The following KDM2B variants were observed in gnomAD, a reference collection of about 807,000 sequenced individuals.
KDM2B encodes lysine-specific demethylase 2B.
A neutral mutation model predicts 150.0 loss-of-function variants in KDM2B; 26 were observed. The observed-to-expected ratio is 0.17, with a 90% CI of 0.13 to 0.24. The LOEUF is 0.24. Among genes scored for constraint, KDM2B ranks in the 10% least tolerant of loss-of-function variants. The pLI is 1.00. For synonymous variants in KDM2B, 734 were observed against 729.5 expected, an observed-to-expected ratio of 1.01 and a Z score of -0.10; for missense variants, 1,265 against 1,816.9, an observed-to-expected ratio of 0.70 and a Z score of 5.52.
chr12:121,536,526 CTCT>C (rs1555308739), intron 6 of KDM2B, among the ~76,000 whole-genome samples: 1 of 152,236 alleles, frequency 6.6e-6, no homozygotes, highest in East Asian at 1.9e-4. Context: ...CTGGGTGATC[CTCT>C]TCTCTCTAAG....
intron 14 of KDM2B, chr12:121,444,773 C>T: frequency 5.2e-6 from 3 of 573,638 alleles, no homozygotes; most frequent in Non-Finnish European, 9.4e-6. Context: ...CTGGGCAAGA[C>T]ACTCCGTCTC....
intron 12 of KDM2B, among the ~76,000 whole-genome samples, chr12:121,463,894 T>C (rs1879459424): frequency 6.6e-6 from 1 of 151,832 alleles, no homozygotes; most frequent in Non-Finnish European, 1.5e-5. Flanking sequence ...GTCATTTTTA[T>C]AGAAAAAATA....
At chr12:121,424,161 A>G (rs782652346), downstream of KDM2B, 8 of 152,722 alleles carry the variant, frequency 5.2e-5, no homozygotes, top group Non-Finnish European at 1.2e-4. Flanking sequence ...TAGACTCCAC[A>G]TGTCCATTTT....
intron 11 of KDM2B, among the ~76,000 whole-genome samples, chr12:121,506,356 G>C (rs80129007): frequency 0.026 from 3,937 of 152,182 alleles, 162 homozygotes; most frequent in East Asian, 0.11. Flanking sequence ...AGACTAATCA[G>C]AAACTCTCCT....
rs1875784752 is a variant in KDM2B at position 121,444,463 on chromosome 12, C to T, written c.2177G>A (p.Gly726Asp). 1 of 1,614,060 alleles carries T rather than the reference C, an allele frequency of 6.2e-7. No homozygotes were observed. The highest frequency in any genetic ancestry group is 8.5e-7 in the Non-Finnish European group (1 of 1,180,036). Residue 726 changes from glycine (G) to aspartate (D), a missense_variant, in exon 15 of 23, where the codon GGC (glycine) becomes GAC (aspartate). Physicochemically the swap from Gly to Asp is moderately conservative, Grantham distance 94. Transcript: ENST00000377071. Reference protein sequence around the residue: ...CWECPKCNHAGKTGKQKRGPG... With the variant: ...CWECPKCNHADKTGKQKRGPG... ...CCCGGCACTCACTTTCCCGGTCTTGCCGGCGTGGTTACACTTCGGACACTC... is the reference window on the plus strand; with the variant it reads ...CCCGGCACTCACTTTCCCGGTCTTGTCGGCGTGGTTACACTTCGGACACTC...
intron 10 of KDM2B, 109 bp from the exon 11 acceptor site, chr12:121,510,148 T>C (rs1412059892): frequency 2.1e-6 from 2 of 971,448 alleles, no homozygotes; most frequent in Non-Finnish European, 3.0e-6. Context: ...ATCCAGCTTC[T>C]CTAACAATCC....
intron 4 of KDM2B, among the ~76,000 whole-genome samples, chr12:121,562,404 A>G (rs1264156203): frequency 1.3e-5 from 2 of 152,118 alleles, no homozygotes; most frequent in Admixed American, 1.3e-4. Flanking sequence ...GAATCATTTG[A>G]ACCTGGGAGG....
intron 13 of KDM2B, among the ~76,000 whole-genome samples, chr12:121,449,949 C>T (rs1444388553): frequency 6.6e-6 from 1 of 152,188 alleles, no homozygotes; most frequent in Admixed American, 6.5e-5. Context: ...AAAATCCTTG[C>T]TAACCAGAGA....
At chr12:121,546,451 C>T (rs1212948208) in intron 6 of KDM2B, among the ~76,000 whole-genome samples, 1 of 137,590 alleles carries the variant, frequency 7.3e-6, no homozygotes, top group African/African-American at 2.8e-5. Flanking sequence ...GGCGCGATCT[C>T]GGCTCACTGC....
chr12:121,445,386 C>T lies in KDM2B; in HGVS notation c.1992G>A (p.Val664=), dbSNP rs782181342. 2.1e-5 allele frequency: 34 copies of T among 1,608,450 alleles called. No individual in the cohort carries two copies. In the South Asian group the frequency reaches 3.8e-4, roughly 18 times the overall value. Residue 664 remains valine (V), a synonymous_variant, in exon 14 of 23, where the codon GTG becomes GTA. Coordinates refer to ENST00000377071, the MANE Select transcript of KDM2B (RefSeq NM_032590.5). ...PVLPHTAVCL[V]CGEAGKEDTV... ...TGTCTTCCTTCCCCGCCTCGCCACACACAAGGCACACGGCGGTGTGGGGCA... is the reference window on the plus strand; with the variant it reads ...TGTCTTCCTTCCCCGCCTCGCCACATACAAGGCACACGGCGGTGTGGGGCA...
intron 7 of KDM2B, 72 bp downstream of exon 7, chr12:121,534,425 G>T: frequency 9.3e-7 from 1 of 1,077,060 alleles, no homozygotes; most frequent in Non-Finnish European, 1.4e-6. Context: ...GGAGGAGAGG[G>T]AAAGGTAAGT....
chr12:121,559,795 C>T (rs1476594839), intron 4 of KDM2B, among the ~76,000 whole-genome samples: 1 of 151,380 alleles, frequency 6.6e-6, no homozygotes, highest in Admixed American at 6.6e-5. Context: ...CCCAGCTACT[C>T]GGAAGGCTGA....
rs183874533 is a variant in KDM2B at position 121,568,498 on chromosome 12, C to A, written c.397+6049G>T. On this transcript the variant is annotated intron_variant, in intron 4 of 22. Transcript: ENST00000377071. ...AAACAAAATCACACACACATACACA[C>A]AAAAAAAGAAAAGAAATCTACAACT... 7.0e-3 allele frequency among the ~76,000 whole-genome samples: 1,063 copies of A among 151,956 alleles called. 8 individuals are homozygous for A. Among genetic ancestry groups the A allele is most frequent in the Non-Finnish European group, 0.011 (734 of 67,944 alleles).
At chr12:121,423,155 C>T in the KDM2B span, among the ~76,000 whole-genome samples, 2 of 152,212 alleles carry the variant, frequency 1.3e-5, no homozygotes, top group Non-Finnish European at 2.9e-5. The surrounding 1 kb of genome is among the most constrained non-coding windows in gnomAD (Gnocchi z 4.3). Context: ...TTGTTGGGTA[C>T]GTCAAGCATT....
At chr12:121,414,703 C>T in the KDM2B span, among the ~76,000 whole-genome samples, 1 of 152,030 alleles carries the variant, frequency 6.6e-6, no homozygotes, top group Non-Finnish European at 1.5e-5. Flanking sequence ...GATGGACTCT[C>T]GCTCTGTCGC....
chr12:121,525,244 A>C (rs1217516733), intron 8 of KDM2B, among the ~76,000 whole-genome samples: 1 of 151,948 alleles, frequency 6.6e-6, no homozygotes, highest in Admixed American at 6.6e-5. Context: ...AAAAATGGGG[A>C]TATTTCTTTT....
At chr12:121,475,939 G>A (rs1472203558) in intron 12 of KDM2B, among the ~76,000 whole-genome samples, 1 of 151,756 alleles carries the variant, frequency 6.6e-6, no homozygotes, top group Non-Finnish European at 1.5e-5. Context: ...CAAGGTAGGA[G>A]GATTACTTGA....
Position 121,442,464 on chromosome 12 carries a change from G to A in KDM2B, c.2977C>T (p.Arg993Cys), listed in dbSNP as rs1238440130. Reference protein sequence around the residue: ...EPKRPPGICERPHRFSKGLNG... With the variant: ...EPKRPPGICECPHRFSKGLNG... ...AGCCCCTTGCTGAAGCGGTGGGGAC[G>A]CTCGCAGATGCCCGGGGGCCGCTTG... Residue 993 changes from arginine to cysteine, a missense_variant, in exon 19 of 23, where the codon CGT (arginine) becomes TGT (cysteine). Around this residue, in one of 11 missense-constraint regions of KDM2B, gnomAD observed 418 missense variants for 402.4 expected, o/e 1.04. Transcript: ENST00000377071. The surrounding 1 kb of genome is among the most constrained non-coding windows in gnomAD (Gnocchi z 7.7). The A allele has an allele frequency of 1.3e-6, 2 of 1,599,618 alleles. No homozygotes were observed. The highest frequency in any genetic ancestry group is 1.1e-5 in the South Asian group (1 of 91,048).
intron 12 of KDM2B, among the ~76,000 whole-genome samples, chr12:121,488,034 CAGCCTCCCAA>C (rs1555299241): frequency 6.6e-6 from 1 of 152,110 alleles, no homozygotes; most frequent in Admixed American, 6.6e-5. Context: ...CCGCCCGCCT[CAGCCTCCCAA>C]AGTGCTGGGA....
Sources: gnomAD v4.1 joint callset for allele counts (sites outside exome capture counted in the v4.1 genomes callset) on GRCh38, gnomAD v4.1.1 for gene constraint, gnomAD v4.1.1 regional missense constraint, Gnocchi (gnomAD v3.1) non-coding constraint, MANE v1.5 for transcripts, NCBI Gene and HGNC (gene_info 2026-07-23, HGNC 2026-07-21) for gene names.